Variants in CDH26 observed in about 807,000 individuals in gnomAD.
CDH26 encodes the protein cadherin-like protein 26.
A neutral mutation model predicts 90.3 loss-of-function variants in CDH26; 83 were observed. The ratio of observed to expected loss-of-function variants is 0.92; its 90% CI spans 0.77 to 1.10. The LOEUF is 1.10. Ranked by LOEUF, CDH26 falls within the 50% of genes least tolerant of loss-of-function variation. The probability of loss-of-function intolerance (pLI) is 0.00; values close to 1 mark genes in which losing one functional copy is unlikely to be tolerated. For synonymous variants in CDH26, 397 were observed against 396.3 expected, an observed-to-expected ratio of 1.00 and a Z score of -0.02; for missense variants, 1,013 against 1,037.6, an observed-to-expected ratio of 0.98 and a Z score of 0.33.
chr20:59,990,560 C>T (rs930216104), intron 9 of CDH26, among the ~76,000 whole-genome samples: 9 of 152,160 alleles, frequency 5.9e-5, no homozygotes, highest in Non-Finnish European at 1.3e-4. Flanking sequence ...TAAAAATTTA[C>T]AATTCATTAT....
At chr20:59,976,494 T>C (rs1488610453) in intron 4 of CDH26, among the ~76,000 whole-genome samples, 5 of 152,230 alleles carry the variant, frequency 3.3e-5, no homozygotes, top group Admixed American at 6.5e-5. Flanking sequence ...CACAAGTGGT[T>C]CTTTTTTTAA....
intron 4 of CDH26, among the ~76,000 whole-genome samples, chr20:59,982,014 T>C (rs1251886773): frequency 1.3e-5 from 2 of 152,176 alleles, no homozygotes; most frequent in African/African-American, 4.8e-5. Context: ...ATTAAGAATT[T>C]GGTCCATTTC....
Position 59,988,926 on chromosome 20 carries a change from C to T in CDH26, c.1046C>T (p.Pro349Leu). ...CAGCCTTTGGATTATGAGACTCGCC[C>T]AGCGCAAAGCCTCATCATTGTCGTG... The part of the protein sequence containing the change: ...VIKPLDYETR[P>L]AQSLIIVVEN... Residue 349 changes from proline (P) to leucine (L), a missense_variant, in exon 9 of 18, where the codon CCA becomes CTA. Physicochemically the swap from Pro to Leu is moderately conservative, Grantham distance 98. Transcript: ENST00000348616. 1 of 1,614,100 alleles carries T rather than the reference C, an allele frequency of 6.2e-7. No homozygotes were observed. The highest frequency in any genetic ancestry group is 1.1e-5 in the South Asian group (1 of 91,068).
chr20:59,999,559 T>C (rs1358584589), intron 13 of CDH26, 27 bp from the exon 14 acceptor site: 1 of 1,592,260 alleles, frequency 6.3e-7, no homozygotes, highest in South Asian at 1.1e-5. Flanking sequence ...TCAGCCCTTG[T>C]CATATTTCTT....
intron 7 of CDH26, among the ~76,000 whole-genome samples, chr20:60,023,264 T>G (rs190862309): frequency 6.6e-6 from 1 of 152,364 alleles, no homozygotes; most frequent in East Asian, 1.9e-4. Context: ...GAATTAAATG[T>G]GTCTTGTTTA....
rs763537973 is a variant in CDH26 at position 60,006,681 on chromosome 20, T to C, written c.2221-32T>C. The C allele has an allele frequency of 1.5e-5, 24 of 1,555,002 alleles. No individual in the cohort carries two copies. In the East Asian group the frequency reaches 2.2e-4, roughly 15 times the overall value. ...TTGGGGGGTAGGACAAGGGCTCTGC[T>C]GTGGTATGAAGCTCTACTGGTTTGC... is the stretch of plus-strand genomic sequence containing the variant. On this transcript the variant is annotated intron_variant, in intron 16 of 17. Transcript: ENST00000348616.
downstream of CDH26, among the ~76,000 whole-genome samples, chr20:60,015,563 C>T (rs2061898034): frequency 6.6e-6 from 1 of 152,096 alleles, no homozygotes; most frequent in African/African-American, 2.4e-5. Flanking sequence ...GATATTTTCT[C>T]CCATTTTGTA....
In CDH26 at chr20:59,996,676, A is replaced by G; in HGVS notation, c.1934A>G (p.Lys645Arg). The change falls in exon 13 of 18, where the codon AAG becomes AGG. Residue 645 changes from lysine (K) to arginine (R), a missense_variant. Physicochemically the swap from Lys to Arg is conservative, Grantham distance 26. Coordinates refer to ENST00000348616, the MANE Select transcript of CDH26 (RefSeq NM_177980.4). ...CGATGCTATTTTGTGCTTGAACCTA[A>G]GAGGCATGGATGCTCTGTATCCAAT... ...LLRCYFVLEPKRHGCSVSNDE... is the reference protein window; with the variant it reads ...LLRCYFVLEPRRHGCSVSNDE... The G allele has an allele frequency of 6.2e-7, 1 of 1,614,220 alleles. No individual in the cohort carries two copies. The highest frequency in any genetic ancestry group is 8.5e-7 in the Non-Finnish European group (1 of 1,180,038).
At chr20:59,972,173 G>A (rs1418475928) in intron 4 of CDH26, 50 bp downstream of exon 4, 4 of 1,554,950 alleles carry the variant, frequency 2.6e-6, no homozygotes, top group Non-Finnish European at 3.5e-6. Context: ...GCTCTTGCAA[G>A]ACTGTTGTAT....
At position 59,984,792 on chromosome 20, in the gene CDH26, G is replaced by A. The variant is rs781694705; in HGVS notation, c.695G>A (p.Cys232Tyr). 6.2e-7 allele frequency: 1 copy of A among 1,608,990 alleles called. No individual in the cohort carries two copies. Among genetic ancestry groups the A allele is most frequent in the Non-Finnish European group, 8.5e-7 (1 of 1,178,794 alleles). The stretch of plus-strand genomic sequence containing the variant: ...AGTGGAGAAATACGACTCTCTGGCT[G>A]CTTAGATTATGAGGTTATGTGGATT... ...RLSGEIRLSGCLDYETAPQFT... is the reference protein window; with the variant it reads ...RLSGEIRLSGYLDYETAPQFT... The change falls in exon 6 of 18, where the codon TGC becomes TAC. Residue 232 changes from cysteine (C) to tyrosine (Y), a missense_variant. By Grantham distance (194) the Cys-to-Tyr change is radical (BLOSUM62 -2). Transcript: ENST00000348616.
At chr20:59,982,343 T>G (rs76656591) in intron 4 of CDH26, among the ~76,000 whole-genome samples, 269 of 152,348 alleles carry the variant, frequency 1.8e-3, no homozygotes, top group Non-Finnish European at 3.3e-3. Flanking sequence ...TTTTTAAAAT[T>G]TCTTAAGGTG....
At chr20:60,005,951 G>A (rs1376041805) in intron 16 of CDH26, among the ~76,000 whole-genome samples, 3 of 152,164 alleles carry the variant, frequency 2.0e-5, no homozygotes, top group African/African-American at 7.2e-5. Flanking sequence ...TCCCTGCTTA[G>A]GGCCTGTGCT....
intron 7 of CDH26, among the ~76,000 whole-genome samples, chr20:60,019,666 T>G (rs1449947610): frequency 2.0e-5 from 3 of 152,314 alleles, no homozygotes; most frequent in Non-Finnish European, 4.4e-5. Context: ...CTTAAGATTA[T>G]TATTTTGAAT....
intron 7 of CDH26, among the ~76,000 whole-genome samples, chr20:59,985,810 C>A (rs1340685357): frequency 6.6e-6 from 1 of 152,168 alleles, no homozygotes; most frequent in Non-Finnish European, 1.5e-5. Context: ...ATGCTAAGAA[C>A]TTTTACATGC....
intron 16 of CDH26, 33 bp downstream of exon 16, chr20:60,002,899 A>G (rs2061694882): frequency 6.9e-7 from 1 of 1,455,488 alleles, no homozygotes; most frequent in Non-Finnish European, 9.3e-7. Context: ...CCGTGAACAA[A>G]TTTACCTTAT....
chr20:60,024,070 G>A (rs911575252), intron 7 of CDH26, among the ~76,000 whole-genome samples: 6 of 152,124 alleles, frequency 3.9e-5, no homozygotes, highest in African/African-American at 1.2e-4. Context: ...AGAGCTCACC[G>A]GAAACAAGTA....
Position 59,968,979 on chromosome 20 carries a change from G to T in CDH26, c.82G>T (p.Asp28Tyr). ...LLWLLQVSII[D>Y]SVQQETDDLT... Reference sequence around the variant, plus strand: ...TTTTATTTTTAAGGTCAGTATCATTGACAGTGTTCAACAGGAAACAGATGA... The same window carrying T: ...TTTTATTTTTAAGGTCAGTATCATTTACAGTGTTCAACAGGAAACAGATGA... Residue 28 changes from aspartate to tyrosine, a missense_variant, in exon 2 of 18, where the codon GAC becomes TAC. Physicochemically the swap from Asp to Tyr is radical, Grantham distance 160 (BLOSUM62 -3). Coordinates refer to ENST00000348616, the MANE Select transcript of CDH26 (RefSeq NM_177980.4). The T allele has an allele frequency of 6.4e-7, 1 of 1,573,400 alleles. No individual in the cohort carries two copies. The highest frequency in any genetic ancestry group is 1.1e-5 in the South Asian group (1 of 89,294).
chr20:59,968,447 A>C (rs1392728655), intron 1 of CDH26, among the ~76,000 whole-genome samples: 1 of 152,122 alleles, frequency 6.6e-6, no homozygotes, highest in Non-Finnish European at 1.5e-5. Flanking sequence ...TTTTGGAGGA[A>C]GGGAAAGGAT....
intron 1 of CDH26, among the ~76,000 whole-genome samples, chr20:59,967,947 CTTT>C (rs1226597269): frequency 5.9e-5 from 6 of 102,076 alleles, no homozygotes; most frequent in African/African-American, 3.1e-4. Context: ...TTCTTTCTTT[CTTT>C]CTTTCTATCT....
Sources: allele counts gnomAD v4.1 joint callset (sites outside exome capture counted in the v4.1 genomes callset), GRCh38; gene constraint gnomAD v4.1.1; transcripts MANE v1.5; gene names NCBI Gene and HGNC (gene_info 2026-07-23, HGNC 2026-07-21).